Variants in XIRP1 observed in about 807,000 individuals in gnomAD.
XIRP1 encodes the protein xin actin-binding repeat-containing protein 1.
For synonymous variants in XIRP1, 984 were observed against 947.0 expected, an observed-to-expected ratio of 1.04 and a Z score of -0.72; for missense variants, 2,378 against 2,345.4, an observed-to-expected ratio of 1.01 and a Z score of -0.29.
Position 39,188,673 on chromosome 3 carries a change from C to A in XIRP1, c.773G>T (p.Arg258Leu). The A allele has an allele frequency of 1.2e-6, 2 of 1,613,454 alleles. No homozygotes were observed. Among genetic ancestry groups the A allele is most frequent in the East Asian group, 2.2e-5 (1 of 44,880 alleles). ...GAIHEVKAAC[R>L]EEIQSNAVRS... ...CACCGCGTTGCTTTGGATCTCCTCC[C>A]GGCATGCGGCCTTGACCTCATGGAT... The change falls in exon 2 of 2, where the codon CGG (arginine) becomes CTG (leucine). Residue 258 changes from arginine to leucine, a missense_variant. Physicochemically the swap from Arg to Leu is moderately radical, Grantham distance 102. Transcript: ENST00000340369.
chr3:39,186,364 T>C lies in XIRP1; in HGVS notation c.3082A>G (p.Lys1028Glu), dbSNP rs2039972212. ...EKQEDSHSGQ[K>E]GMAVLGKSEG... Reference sequence around the variant, plus strand: ...GACTTTCCCAAGACTGCCATCCCTTTCTGTCCAGAGTGACTGTCTTCCTGC... The same window carrying C: ...GACTTTCCCAAGACTGCCATCCCTTCCTGTCCAGAGTGACTGTCTTCCTGC... Residue 1028 changes from lysine (K) to glutamate (E), a missense_variant, in exon 2 of 2, where the codon AAA (lysine) becomes GAA (glutamate). Lys to Glu is a moderately conservative substitution (Grantham distance 56). Coordinates refer to ENST00000340369, the MANE Select transcript of XIRP1 (RefSeq NM_194293.4). 1 of 1,614,092 alleles carries C rather than the reference T, an allele frequency of 6.2e-7. No individual in the cohort carries two copies. The highest frequency in any genetic ancestry group is 1.7e-5 in the Admixed American group (1 of 60,000).
intron 1 of XIRP1, among the ~76,000 whole-genome samples, chr3:39,191,331 A>T (rs1415003755): frequency 6.6e-6 from 1 of 151,962 alleles, no homozygotes; most frequent in Admixed American, 6.5e-5. Flanking sequence ...GCCTGAGCAG[A>T]TGGTGTGTGC....
rs763079564 is a variant in XIRP1, at chr3:39,188,229, T to C, written c.1217A>G (p.Asp406Gly). The C allele has an allele frequency of 6.2e-6, 10 of 1,614,032 alleles. No individual in the cohort carries two copies. Among genetic ancestry groups the C allele is most frequent in the Non-Finnish European group, 8.5e-6 (10 of 1,180,028 alleles). The change falls in exon 2 of 2, where the codon GAT becomes GGT. Residue 406 changes from aspartate to glycine, a missense_variant. Asp to Gly is a moderately conservative substitution (Grantham distance 94). Coordinates refer to ENST00000340369, the MANE Select transcript of XIRP1 (RefSeq NM_194293.4). Reference protein sequence around the residue: ...KVQVGHLQRVDPQDGEGHLSS... With the variant: ...KVQVGHLQRVGPQDGEGHLSS... ...TAGATGCCCCTCACCGTCCTGGGGATCCACTCGCTGTAGGTGACCCACTTG... is the reference window on the plus strand; with the variant it reads ...TAGATGCCCCTCACCGTCCTGGGGACCCACTCGCTGTAGGTGACCCACTTG...
intron 1 of XIRP1, 93 bp from the exon 2 acceptor site, chr3:39,189,618 CT>C (rs1160791318): frequency 3.0e-5 from 30 of 989,142 alleles, no homozygotes; most frequent in Non-Finnish European, 4.0e-5. Flanking sequence ...TGTGCCTGGC[CT>C]GGGCTTCACT....
rs551124625 is a variant in XIRP1, at chr3:39,185,474, C to A, written c.3972G>T (p.Pro1324=). Residue 1324 remains proline (P), a synonymous_variant, in exon 2 of 2, where the codon CCG becomes CCT. Coordinates refer to ENST00000340369, the MANE Select transcript of XIRP1 (RefSeq NM_194293.4). ...GGTGTGCAGGTTTAGGGGGCAGCTG[C>A]GGCTTCTTCTTTGGGGGCATGGTGG... ...LDPTMPPKKK[P]QLPPKPAHLT... is the part of the protein sequence containing the mutation. 2 of 1,571,894 alleles carry A rather than the reference C, an allele frequency of 1.3e-6. No homozygotes were observed. The highest frequency in any genetic ancestry group is 2.4e-5 in the South Asian group (2 of 83,990).
In XIRP1 at chr3:39,183,953, C is replaced by T. The variant is rs571724837; in HGVS notation, c.5493G>A (p.Val1831=). ...GCTGGGAGTAGCTGCAGGACACCTG[C>T]ACCGTCTCAGCTTCTGTCAGGTCAC... ...FSSDLTEAET[V]QVSCSYSQPA... Residue 1831 remains valine, a synonymous_variant, in exon 2 of 2, where the codon GTG becomes GTA. Transcript: ENST00000340369. 8.7e-6 allele frequency: 14 copies of T among 1,611,786 alleles called. No homozygotes were observed. The South Asian group carries it at 1.4e-4, about 16-fold the overall frequency.
At position 39,189,233 on chromosome 3, in the gene XIRP1, C is replaced by T. The variant is rs759852471; in HGVS notation, c.213G>A (p.Glu71=). 3.7e-6 allele frequency: 6 copies of T among 1,614,170 alleles called. No individual in the cohort carries two copies. The East Asian group carries it at 1.3e-4, about 36-fold the overall frequency. Residue 71 remains glutamate (E), a synonymous_variant, in exon 2 of 2, where the codon GAG becomes GAA. Coordinates refer to ENST00000340369, the MANE Select transcript of XIRP1 (RefSeq NM_194293.4). ...CCTCAGCCAGATCCTCGGCCACAGCCTCAGCCAGATTCTTGCGGAGCTCAG... is the reference window on the plus strand; with the variant it reads ...CCTCAGCCAGATCCTCGGCCACAGCTTCAGCCAGATTCTTGCGGAGCTCAG... ...IHPELRKNLA[E]AVAEDLAEVL...
chr3:39,187,638 A>C lies in XIRP1; in HGVS notation c.1808T>G (p.Met603Arg), dbSNP rs1450453528. 1 of 1,613,982 alleles carries C rather than the reference A, an allele frequency of 6.2e-7. No homozygotes were observed. Among genetic ancestry groups the C allele is most frequent in the Non-Finnish European group, 8.5e-7 (1 of 1,180,002 alleles). Reference sequence around the variant, plus strand: ...CCCCTGCTTTTCGGCCAACTCACTCATTGGGCAAGTCTCGAACAACCACCG... The same window carrying C: ...CCCCTGCTTTTCGGCCAACTCACTCCTTGGGCAAGTCTCGAACAACCACCG... ...TIRWLFETCP[M>R]SELAEKQGSE... Residue 603 changes from methionine (M) to arginine (R), a missense_variant, in exon 2 of 2, where the codon ATG (methionine) becomes AGG (arginine). Met to Arg is a moderately conservative substitution (Grantham distance 91, BLOSUM62 -1). Coordinates refer to ENST00000340369, the MANE Select transcript of XIRP1 (RefSeq NM_194293.4).
Position 39,184,490 on chromosome 3 carries a change from C to G in XIRP1, c.4956G>C (p.Glu1652Asp). The G allele has an allele frequency of 6.2e-7, 1 of 1,614,082 alleles. No homozygotes were observed. Residue 1652 changes from glutamate to aspartate, a missense_variant, in exon 2 of 2, where the codon GAG becomes GAC. Physicochemically the swap from Glu to Asp is conservative, Grantham distance 45 (BLOSUM62 2). Transcript: ENST00000340369. Reference sequence around the variant, plus strand: ...GTAAAACCCGAGGAGGGCACAAATACTCTCTTGATGTCTCCTGCCTCCTGG... The same window carrying G: ...GTAAAACCCGAGGAGGGCACAAATAGTCTCTTGATGTCTCCTGCCTCCTGG... Reference protein sequence around the residue: ...PSTRRQETSREYLCPPRVLPS... With the variant: ...PSTRRQETSRDYLCPPRVLPS...
rs1396845965 is a variant in XIRP1 at position 39,186,782 on chromosome 3, G to A, written c.2664C>T (p.Thr888=). The A allele has an allele frequency of 6.2e-7, 1 of 1,614,022 alleles. No homozygotes were observed. Among genetic ancestry groups the A allele is most frequent in the South Asian group, 1.1e-5 (1 of 91,086 alleles). The change falls in exon 2 of 2, where the codon ACC becomes ACT. Residue 888 remains threonine, a synonymous_variant. Transcript: ENST00000340369. Reference sequence around the variant, plus strand: ...TCACCAGCCCAGTCCTTGCCACGGAGGTCCCAAGACCGCAAGCCAGCAGCT... The same window carrying A: ...TCACCAGCCCAGTCCTTGCCACGGAAGTCCCAAGACCGCAAGCCAGCAGCT... ...LQQLLACGLG[T]SVARTGLVMQ...
In XIRP1 at chr3:39,183,855, C is replaced by G; in HGVS notation, c.*59G>C. On this transcript the variant is annotated 3_prime_UTR_variant, in exon 2 of 2. Transcript: ENST00000340369. ...GTGTACAGGAGGCAGGTACCCACTT[C>G]AGTCCTGGGGCAGTGGAGGCCAGGA... 6.4e-7 allele frequency: 1 copy of G among 1,554,986 alleles called. No homozygotes were observed. The highest frequency in any genetic ancestry group is 8.7e-7 in the Non-Finnish European group (1 of 1,153,532).
At position 39,184,473 on chromosome 3, in the gene XIRP1, C is replaced by T. The variant is rs140792566; in HGVS notation, c.4973G>A (p.Arg1658Gln). 2.4e-4 allele frequency: 388 copies of T among 1,613,996 alleles called. 1 individual carries two copies. Among genetic ancestry groups the T allele is most frequent in the Non-Finnish European group, 3.1e-4 (366 of 1,180,046 alleles). ...AGAATCTCGGCTGGAAGGTAAAACC[C>T]GAGGAGGGCACAAATACTCTCTTGA... is the stretch of plus-strand genomic sequence containing the variant. Reference protein sequence around the residue: ...ETSREYLCPPRVLPSSRDSPS... With the variant: ...ETSREYLCPPQVLPSSRDSPS... Residue 1658 changes from arginine (R) to glutamine (Q), a missense_variant, in exon 2 of 2, where the codon CGG becomes CAG. Arg to Gln is a conservative substitution (Grantham distance 43, BLOSUM62 1). Transcript: ENST00000340369.
intron 1 of XIRP1, among the ~76,000 whole-genome samples, chr3:39,191,076 T>G (rs939434189): frequency 1.3e-5 from 2 of 152,096 alleles, no homozygotes; most frequent in Non-Finnish European, 2.9e-5. Context: ...GGGCAGGACT[T>G]CCTCCCTATG....
In XIRP1 at chr3:39,188,595, T is replaced by C. The variant is rs1459827871; in HGVS notation, c.851A>G (p.Asp284Gly). ...ETRPLDAINQ[D>G]PSQVRVIRGI... is the part of the protein sequence containing the mutation. ...CCGGATCACCCGCACCTGGCTGGGG[T>C]CCTGGTTGATGGCGTCCAGAGGCCG... Residue 284 changes from aspartate (D) to glycine (G), a missense_variant, in exon 2 of 2, where the codon GAC becomes GGC. Transcript: ENST00000340369. The C allele has an allele frequency of 1.3e-5, 21 of 1,612,720 alleles. No individual in the cohort carries two copies. Among genetic ancestry groups the C allele is most frequent in the Non-Finnish European group, 1.6e-5 (19 of 1,179,646 alleles).
At position 39,183,942 on chromosome 3, in the gene XIRP1, C is replaced by T; in HGVS notation, c.5504G>A (p.Cys1835Tyr). ...CTGGGCAGCTGGCTGGGAGTAGCTG[C>T]AGGACACCTGCACCGTCTCAGCTTC... is the stretch of plus-strand genomic sequence containing the variant. ...LTEAETVQVSCSYSQPAAQ is the reference protein window; with the variant it reads ...LTEAETVQVSYSYSQPAAQ The change falls in exon 2 of 2, where the codon TGC becomes TAC. Residue 1835 changes from cysteine (C) to tyrosine (Y), a missense_variant. Cys to Tyr is a radical substitution (Grantham distance 194). Transcript: ENST00000340369. 1 of 1,611,414 alleles carries T rather than the reference C, an allele frequency of 6.2e-7. No homozygotes were observed.
In XIRP1 at chr3:39,185,628, G is replaced by C; in HGVS notation, c.3818C>G (p.Ala1273Gly). 1.2e-6 allele frequency: 2 copies of C among 1,613,058 alleles called. No homozygotes were observed. Among genetic ancestry groups the C allele is most frequent in the Non-Finnish European group, 1.7e-6 (2 of 1,179,510 alleles). Residue 1273 changes from alanine (A) to glycine (G), a missense_variant, in exon 2 of 2, where the codon GCC (alanine) becomes GGC (glycine). By Grantham distance (60) the Ala-to-Gly change is moderately conservative (BLOSUM62 0). Coordinates refer to ENST00000340369, the MANE Select transcript of XIRP1 (RefSeq NM_194293.4). ...AVTGPDFPAG[A>G]HRAEDSIQQA... ...CTGGATGGAGTCCTCAGCACGGTGG[G>C]CTCCAGCTGGAAAGTCAGGTCCTGT...
At chr3:39,191,847 G>A (rs1328985039) in intron 1 of XIRP1, among the ~76,000 whole-genome samples, 1 of 152,186 alleles carries the variant, frequency 6.6e-6, no homozygotes, top group East Asian at 1.9e-4. Context: ...TCTGCCCTGG[G>A]GGCTTTCCCA....
rs766765073 is a variant in XIRP1, at chr3:39,184,569, T to C, written c.4877A>G (p.Lys1626Arg). 6 of 1,613,896 alleles carry C rather than the reference T, an allele frequency of 3.7e-6. No homozygotes were observed. Among genetic ancestry groups the C allele is most frequent in the Non-Finnish European group, 5.1e-6 (6 of 1,180,044 alleles). Residue 1626 changes from lysine (K) to arginine (R), a missense_variant, in exon 2 of 2, where the codon AAG (lysine) becomes AGG (arginine). Physicochemically the swap from Lys to Arg is conservative, Grantham distance 26 (BLOSUM62 2). Transcript: ENST00000340369. ...TCTGGCCTCTGTGTGATTTCTGATC[T>C]TGACTTGACTCTGGGCCTCAGTGTG... ...ECHTEAQSQV[K>R]IRNHTEARGH... is the part of the protein sequence containing the mutation.
rs1435532484 is a variant in XIRP1 at position 39,187,655 on chromosome 3, C to T, written c.1791G>A (p.Leu597=). The T allele has an allele frequency of 6.8e-6, 11 of 1,613,976 alleles. No individual in the cohort carries two copies. Among genetic ancestry groups the T allele is most frequent in the Admixed American group, 1.7e-5 (1 of 60,010 alleles). ...PKGDVQTIRW[L]FETCPMSELA... ...ACTCACTCATTGGGCAAGTCTCGAACAACCACCGGATGGTCTGCACATCGC... is the reference window on the plus strand; with the variant it reads ...ACTCACTCATTGGGCAAGTCTCGAATAACCACCGGATGGTCTGCACATCGC... Residue 597 remains leucine (L), a synonymous_variant, in exon 2 of 2, where the codon TTG becomes TTA. Transcript: ENST00000340369.
Sources: gnomAD v4.1 joint callset for allele counts (sites outside exome capture counted in the v4.1 genomes callset) on GRCh38, gnomAD v4.1.1 for gene constraint, MANE v1.5 for transcripts, NCBI Gene and HGNC (gene_info 2026-07-23, HGNC 2026-07-21) for gene names.